The following AMOTL1 variants were observed in gnomAD, a reference collection of about 807,000 sequenced individuals.
The protein encoded by AMOTL1 is angiomotin-like protein 1.
A neutral mutation model predicts 102.9 loss-of-function variants in AMOTL1; 45 were observed. That is an observed-to-expected ratio of 0.44 (90% CI 0.34 to 0.56). The LOEUF is 0.56. AMOTL1 is among the 20% of genes least tolerant of loss of function. The pLI, the probability that AMOTL1 is intolerant of heterozygous loss-of-function variation, is 0.01. For synonymous variants in AMOTL1, 481 were observed against 484.7 expected, an observed-to-expected ratio of 0.99 and a Z score of 0.10; for missense variants, 1,114 against 1,225.6, an observed-to-expected ratio of 0.91 and a Z score of 1.36.
chr11:94,852,240 G>A (rs565808111), intron 7 of AMOTL1, among the ~76,000 whole-genome samples: 7 of 152,342 alleles, frequency 4.6e-5, no homozygotes, highest in African/African-American at 1.7e-4. Flanking sequence ...AAGAACAGGT[G>A]TAAAAAGTCT....
In AMOTL1 at chr11:94,706,867, G is replaced by A. The variant is rs143695508; in HGVS notation, c.-51+270G>A. On this transcript the variant is annotated intron_variant, in intron 1 of 4. Coordinates refer to the AMOTL1 transcript ENST00000299004. ...GTATTAGGTGCCTATTCTAAGAGCTGTATAATGAGCATGTTAGTGAAGCAA... is the reference window on the plus strand; with the variant it reads ...GTATTAGGTGCCTATTCTAAGAGCTATATAATGAGCATGTTAGTGAAGCAA... 3.0e-4 allele frequency among the ~76,000 whole-genome samples: 45 copies of A among 152,290 alleles called. No homozygotes were observed. In the East Asian group the frequency reaches 7.0e-3, roughly 24 times the overall value.
At chr11:94,859,437 TG>T in intron 8 of AMOTL1, 87 bp from the exon 9 acceptor site, 2 of 1,286,314 alleles carry the variant, frequency 1.6e-6, no homozygotes, top group Non-Finnish European at 2.1e-6. Context: ...CTGCAGGATC[TG>T]GGGAACCTCA....
chr11:94,741,671 T>C (rs1350164512), intron 3 of AMOTL1, among the ~76,000 whole-genome samples: 3 of 151,848 alleles, frequency 2.0e-5, no homozygotes, highest in Admixed American at 6.6e-5. Flanking sequence ...GCAGGATCTC[T>C]CTAACTCTTC....
At chr11:94,750,048 T>C (rs1430517130) in intron 3 of AMOTL1, among the ~76,000 whole-genome samples, 2 of 152,222 alleles carry the variant, frequency 1.3e-5, no homozygotes, top group Non-Finnish European at 2.9e-5. Context: ...TTGTACTTTA[T>C]ACATATAACC....
chr11:94,857,244 G>A (rs1219964517), intron 8 of AMOTL1, among the ~76,000 whole-genome samples: 1 of 152,190 alleles, frequency 6.6e-6, no homozygotes, highest in Non-Finnish European at 1.5e-5. Context: ...CTTAGCAACT[G>A]ATTAAAAACA....
chr11:94,856,738 A>T (rs558914461), intron 8 of AMOTL1, among the ~76,000 whole-genome samples: 1 of 152,268 alleles, frequency 6.6e-6, no homozygotes, highest in African/African-American at 2.4e-5. Context: ...ACTGTCACAA[A>T]GCTCCTGGTC....
intron 1 of AMOTL1, among the ~76,000 whole-genome samples, chr11:94,714,786 T>A (rs1229933484): frequency 6.6e-6 from 1 of 152,122 alleles, no homozygotes; most frequent in Admixed American, 6.6e-5. Context: ...TAGAGAGTTA[T>A]CAATTATATC....
chr11:94,834,130 C>T (rs1207985596), intron 6 of AMOTL1, among the ~76,000 whole-genome samples: 1 of 152,110 alleles, frequency 6.6e-6, no homozygotes, highest in Non-Finnish European at 1.5e-5. Flanking sequence ...TTAATGTGTT[C>T]CATTATCTGT....
intron 3 of AMOTL1, among the ~76,000 whole-genome samples, chr11:94,763,307 C>G (rs1206005921): frequency 6.6e-6 from 1 of 152,216 alleles, no homozygotes; most frequent in Non-Finnish European, 1.5e-5. Context: ...ACTCAGTACT[C>G]TCTGCTTTAG....
chr11:94,781,620 AG>A, intron 1 of AMOTL1, among the ~76,000 whole-genome samples: 1 of 152,108 alleles, frequency 6.6e-6, no homozygotes, highest in Non-Finnish European at 1.5e-5. Context: ...GTGGATCACG[AG>A]GTCAGGAGAT....
At position 94,821,416 on chromosome 11, in the gene AMOTL1, T is replaced by A. The variant is rs1592000152; in HGVS notation, c.1122-114T>A. 6 of 1,114,342 alleles carry A rather than the reference T, an allele frequency of 5.4e-6. No homozygotes were observed. In the East Asian group the frequency reaches 1.3e-4, roughly 24 times the overall value. 69.0% of individuals were successfully genotyped at this position (1,114,342 alleles called of 1,614,324 possible). A position where few individuals can be genotyped will look rare whatever the true frequency, so the allele number is the denominator to read the frequency against. On this transcript the variant is annotated intron_variant, in intron 3 of 12. Coordinates refer to ENST00000433060, the MANE Select transcript of AMOTL1 (RefSeq NM_130847.3). Reference sequence around the variant, plus strand: ...ACAGTGAATACCTCCCACTGGGAAGTGCACTGATGGCCTCTGACCATGGAA... The same window carrying A: ...ACAGTGAATACCTCCCACTGGGAAGAGCACTGATGGCCTCTGACCATGGAA...
intron 2 of AMOTL1, among the ~76,000 whole-genome samples, chr11:94,798,570 G>A (rs1951409772): frequency 1.3e-5 from 2 of 152,242 alleles, no homozygotes; most frequent in Admixed American, 1.3e-4. Flanking sequence ...CCATCGTCTG[G>A]CAGTTGTAGA....
intron 1 of AMOTL1, among the ~76,000 whole-genome samples, chr11:94,716,820 A>G (rs1313612772): frequency 6.6e-6 from 1 of 152,112 alleles, no homozygotes; most frequent in East Asian, 1.9e-4. Flanking sequence ...TGATGTTGAC[A>G]CTGAAGAGAG....
chr11:94,832,579 C>T (rs1952095892), intron 6 of AMOTL1, among the ~76,000 whole-genome samples: 1 of 152,158 alleles, frequency 6.6e-6, no homozygotes, highest in African/African-American at 2.4e-5. Context: ...GCCTGGGATT[C>T]CTTTGTGGTC....
rs191421678 is a variant in AMOTL1 at position 94,820,005 on chromosome 11, A to T, written c.1122-1525A>T. Among the ~76,000 whole-genome samples the T allele has an allele frequency of 1.4e-4, 22 of 152,216 alleles. No homozygotes were observed. The East Asian group carries it at 3.9e-3, about 27-fold the overall frequency. ...TACTAGGTATTTGAGCTATGAAGGG[A>T]CACCCTTATGTGTTCTTTTTGACAT... On this transcript the variant is annotated intron_variant, in intron 3 of 12. Coordinates refer to ENST00000433060, the MANE Select transcript of AMOTL1 (RefSeq NM_130847.3).
intron 8 of AMOTL1, among the ~76,000 whole-genome samples, chr11:94,854,980 C>T (rs1341055940): frequency 6.6e-6 from 1 of 152,182 alleles, no homozygotes; most frequent in Non-Finnish European, 1.5e-5. Context: ...CTGGGGTTCA[C>T]CTGCACCACG....
intron 2 of AMOTL1, among the ~76,000 whole-genome samples, chr11:94,730,347 C>T (rs1950328601): frequency 6.6e-6 from 1 of 152,132 alleles, no homozygotes; most frequent in African/African-American, 2.4e-5. Context: ...CTGCTATTAT[C>T]ATCTCTCTTC....
At chr11:94,811,205 C>A (rs1360249289) in intron 3 of AMOTL1, among the ~76,000 whole-genome samples, 2 of 152,014 alleles carry the variant, frequency 1.3e-5, no homozygotes, top group African/African-American at 2.4e-5. Context: ...TGGTCAAAAT[C>A]AAAAATCTTT....
intron 3 of AMOTL1, among the ~76,000 whole-genome samples, chr11:94,810,924 C>T (rs1951670349): frequency 6.6e-6 from 1 of 151,322 alleles, no homozygotes; most frequent in Non-Finnish European, 1.5e-5. Context: ...AACCATTGAG[C>T]TACTTAAGAA....
Sources: allele counts gnomAD v4.1 joint callset (sites outside exome capture counted in the v4.1 genomes callset), GRCh38; gene constraint gnomAD v4.1.1; transcripts MANE v1.5; gene names NCBI Gene and HGNC (gene_info 2026-07-23, HGNC 2026-07-21).